Variants in ANK2 observed in about 807,000 individuals in gnomAD.
ANK2 encodes ankyrin-2.
ANK2 carries 83 observed loss-of-function variants against 360.5 expected under a neutral mutation model. The ratio of observed to expected loss-of-function variants is 0.23; its 90% CI spans 0.19 to 0.28. The LOEUF (loss-of-function observed/expected upper bound fraction) is 0.28. Ranked by LOEUF, ANK2 falls within the 10% of genes least tolerant of loss-of-function variation. The pLI, the probability that ANK2 is intolerant of heterozygous loss-of-function variation, is 1.00. For missense variants in ANK2, 4,201 were observed against 4,795.7 expected, an observed-to-expected ratio of 0.88 and a Z score of 3.66; for synonymous variants, 1,740 against 1,759.5, an observed-to-expected ratio of 0.99 and a Z score of 0.28.
chr4:112,857,144 G>T (rs1447229932), intron 1 of ANK2, among the ~76,000 whole-genome samples: 1 of 152,192 alleles, frequency 6.6e-6, no homozygotes, highest in African/African-American at 2.4e-5. Flanking sequence ...AGGCTTAGTT[G>T]AGAAGAGAGT....
chr4:112,855,580 ATAGTAACTAATACGTATC>A (rs2066172253), intron 1 of ANK2, among the ~76,000 whole-genome samples: 1 of 152,190 alleles, frequency 6.6e-6, no homozygotes, highest in African/African-American at 2.4e-5. Context: ...ACCTGTAATG[ATAGTAACTAATACGTATC>A]TAGTATTTAC....
At chr4:112,859,830 C>A (rs1306403680) in intron 1 of ANK2, among the ~76,000 whole-genome samples, 1 of 152,148 alleles carries the variant, frequency 6.6e-6, no homozygotes, top group Non-Finnish European at 1.5e-5. Context: ...GAATTGATAA[C>A]CTTTATTACC....
intron 4 of ANK2, among the ~76,000 whole-genome samples, chr4:113,226,476 C>T (rs1300440396): frequency 2.0e-5 from 3 of 152,046 alleles, no homozygotes; most frequent in Non-Finnish European, 4.4e-5. Flanking sequence ...CCAGTAACTT[C>T]GTTCAGATAT....
At chr4:112,851,147 G>A (rs1011420238) in intron 1 of ANK2, among the ~76,000 whole-genome samples, 1 of 152,142 alleles carries the variant, frequency 6.6e-6, no homozygotes, top group African/African-American at 2.4e-5. Context: ...ACCAGAAAAC[G>A]TGGCTTATAG....
At chr4:113,177,359 C>A (rs974355132) in intron 2 of ANK2, among the ~76,000 whole-genome samples, 2 of 152,168 alleles carry the variant, frequency 1.3e-5, no homozygotes, top group African/African-American at 2.4e-5. Context: ...GGATTACAGG[C>A]GTGAGCCACC....
chr4:113,015,498 A>T (rs894503077), intron 2 of ANK2, among the ~76,000 whole-genome samples: 1 of 152,184 alleles, frequency 6.6e-6, no homozygotes, highest in Non-Finnish European at 1.5e-5. Context: ...TGTTGAACTA[A>T]GTGTTATGAT....
At chr4:112,788,236 A>G in the ANK2 span, 1 of 1,590,648 alleles carries the variant, frequency 6.3e-7, no homozygotes, top group South Asian at 1.1e-5. Context: ...CCACCAGCTT[A>G]GCCAAAGCGC....
At chr4:112,999,660 TA>T (rs35523454) in intron 2 of ANK2, among the ~76,000 whole-genome samples, 30,024 of 144,874 alleles carry the variant, frequency 0.21, 3,120 homozygotes, top group African/African-American at 0.29. Context: ...TCCTCCTCCT[TA>T]AAAAAAAAAA....
intron 26 of ANK2, among the ~76,000 whole-genome samples, chr4:113,328,899 G>A (rs1450847821): frequency 6.6e-6 from 1 of 152,130 alleles, no homozygotes; most frequent in African/African-American, 2.4e-5. Flanking sequence ...AATGTTTTGT[G>A]TTTATATCCC....
the ANK2 span, among the ~76,000 whole-genome samples, chr4:112,733,160 G>A: frequency 6.6e-6 from 1 of 152,074 alleles, no homozygotes; most frequent in Non-Finnish European, 1.5e-5. Context: ...AGGTTGCAGT[G>A]AGCCAAGATC....
At chr4:113,243,664 G>A (rs1299877484) in intron 9 of ANK2, among the ~76,000 whole-genome samples, 3 of 152,096 alleles carry the variant, frequency 2.0e-5, no homozygotes, top group African/African-American at 7.2e-5. Context: ...ACAGAATTTG[G>A]AACAGTATGC....
chr4:112,744,295 G>A, the ANK2 span, among the ~76,000 whole-genome samples: 3 of 151,476 alleles, frequency 2.0e-5, no homozygotes, highest in African/African-American at 4.9e-5. Context: ...TACTCTGGGA[G>A]ATTTCCATTG....
chr4:112,723,355 T>G, the ANK2 span, among the ~76,000 whole-genome samples: 46 of 151,776 alleles, frequency 3.0e-4, no homozygotes, highest in African/African-American at 1.1e-3. Flanking sequence ...CTCCTCAAGA[T>G]TTTTTTTTGT....
intron 2 of ANK2, among the ~76,000 whole-genome samples, chr4:113,038,757 T>C (rs1447090596): frequency 6.6e-6 from 1 of 152,040 alleles, no homozygotes; most frequent in East Asian, 1.9e-4. Context: ...AATGCAACTA[T>C]GTTCAAACCA....
chr4:112,995,411 G>C (rs1309836236), intron 2 of ANK2, among the ~76,000 whole-genome samples: 2 of 152,164 alleles, frequency 1.3e-5, no homozygotes, highest in Non-Finnish European at 2.9e-5. Context: ...CTTTTGAGAA[G>C]TGTATTCATG....
At chr4:113,270,737 A>C (rs974684694) in intron 14 of ANK2, among the ~76,000 whole-genome samples, 1 of 152,192 alleles carries the variant, frequency 6.6e-6, no homozygotes, top group Admixed American at 6.5e-5. Context: ...CCCTGCTAGA[A>C]TGCATATTGT....
chr4:112,851,555 T>C (rs1241083905), intron 1 of ANK2, among the ~76,000 whole-genome samples: 3 of 152,238 alleles, frequency 2.0e-5, no homozygotes, highest in Non-Finnish European at 4.4e-5. Context: ...TCGCTAGAAC[T>C]TTGTGTCAGT....
At chr4:112,919,951 T>G (rs962827704) in intron 2 of ANK2, among the ~76,000 whole-genome samples, 1 of 152,070 alleles carries the variant, frequency 6.6e-6, no homozygotes, top group African/African-American at 2.4e-5. Flanking sequence ...TTTATTATAT[T>G]TAGAGTTGAA....
At chr4:113,300,810 T>A (rs2074558933) in intron 22 of ANK2, among the ~76,000 whole-genome samples, 1 of 152,216 alleles carries the variant, frequency 6.6e-6, no homozygotes, top group Admixed American at 6.5e-5. Context: ...TTGCTACCTC[T>A]CGCTCTTTAC....
Sources: gnomAD v4.1 joint callset for allele counts (sites outside exome capture counted in the v4.1 genomes callset) on GRCh38, gnomAD v4.1.1 for gene constraint, MANE v1.5 for transcripts, NCBI Gene and HGNC (gene_info 2026-07-23, HGNC 2026-07-21) for gene names.